FARS2: variants seen among roughly 807,000 people sequenced by gnomAD.
FARS2 encodes phenylalanine--tRNA ligase, mitochondrial.
Under a neutral mutation model 46.4 loss-of-function variants are expected in FARS2, and 40 were observed. The observed-to-expected ratio is 0.86, with a 90% CI of 0.67 to 1.12. FARS2 has a LOEUF of 1.12. Ranked by LOEUF, FARS2 falls within the 50% of genes most tolerant of loss-of-function variation. FARS2 has a pLI of 0.00. For synonymous variants in FARS2, 234 were observed against 214.9 expected, an observed-to-expected ratio of 1.09 and a Z score of -0.78; for missense variants, 513 against 567.9, an observed-to-expected ratio of 0.90 and a Z score of 0.98.
chr6:5,548,325 T>C (rs9378428), intron 5 of FARS2, among the ~76,000 whole-genome samples: 78,161 of 152,084 alleles, frequency 0.51, 21,861 homozygotes, highest in Non-Finnish European at 0.64. Flanking sequence ...GTTATTGTTA[T>C]AGTGAAGCAC....
rs543467794 is a variant in FARS2, at chr6:5,765,318, G to T, written c.1218-5973G>T. Among the ~76,000 whole-genome samples, 28 of 152,358 alleles carry T rather than the reference G, an allele frequency of 1.8e-4. 1 individual carries two copies. In the South Asian group the frequency reaches 5.8e-3, roughly 32 times the overall value. ...AGGATCCAAGTGAAAGTAAGTTTCA[G>T]GAAAAGCTTGAGTCATGTTTCCAGT... On this transcript the variant is annotated intron_variant, in intron 6 of 6. Coordinates refer to ENST00000274680, the MANE Select transcript of FARS2 (RefSeq NM_006567.5). This position sits in a 1 kb window ranked among gnomAD's most constrained non-coding sequence, Gnocchi z 4.0.
At chr6:5,549,570 CT>C (rs1468909600) in intron 5 of FARS2, among the ~76,000 whole-genome samples, 2 of 152,074 alleles carry the variant, frequency 1.3e-5, no homozygotes, top group Non-Finnish European at 2.9e-5. Flanking sequence ...TTGACCTTTG[CT>C]TCTTTCTTAT....
At chr6:5,260,963 G>A (rs911020192), upstream of FARS2, 6 of 1,288,314 alleles carry the variant, frequency 4.7e-6, no homozygotes, top group Non-Finnish European at 4.9e-6. Context: ...GGCAGCTAAG[G>A]GGGCGGTGCT....
chr6:5,724,283 T>C (rs1266220637), intron 6 of FARS2, among the ~76,000 whole-genome samples: 1 of 152,214 alleles, frequency 6.6e-6, no homozygotes, highest in Non-Finnish European at 1.5e-5. Flanking sequence ...GATTCTGGGT[T>C]CCAGGATGAA....
chr6:5,341,206 TATATATATATATATATATATATATATATA>T (rs1489303965), intron 1 of FARS2, among the ~76,000 whole-genome samples: 115 of 8,006 alleles, frequency 0.014, 1 homozygote, highest in African/African-American at 0.018. Context: ...TATATATATA[TATATATATATATATATATATATATATATA>T]TTTTTTTTTT....
intron 2 of FARS2, among the ~76,000 whole-genome samples, chr6:5,403,021 T>TCCTGCCTG (rs148388075): frequency 6.6e-6 from 1 of 152,088 alleles, no homozygotes; most frequent in East Asian, 1.9e-4. Flanking sequence ...TGGCATTCCT[T>TCCTGCCTG]CCTGCCTGCC....
chr6:5,269,813 A>G (rs1765818906), intron 1 of FARS2, among the ~76,000 whole-genome samples: 1 of 152,240 alleles, frequency 6.6e-6, no homozygotes, highest in African/African-American at 2.4e-5. Context: ...TATACTGTAG[A>G]CTGTTATTAA....
intron 6 of FARS2, among the ~76,000 whole-genome samples, chr6:5,724,520 G>T (rs535585960): frequency 3.3e-5 from 5 of 152,302 alleles, no homozygotes; most frequent in African/African-American, 1.2e-4. Context: ...CCCCCAGGAC[G>T]CAAAAAGAAA....
chr6:5,356,594 G>GT (rs1414159634), intron 1 of FARS2, among the ~76,000 whole-genome samples: 1 of 152,210 alleles, frequency 6.6e-6, no homozygotes, highest in Non-Finnish European at 1.5e-5. Context: ...CTTCATTTAG[G>GT]TATGAGTGAT....
chr6:5,736,417 A>T (rs952889221), intron 6 of FARS2, among the ~76,000 whole-genome samples: 1 of 152,158 alleles, frequency 6.6e-6, no homozygotes, highest in Non-Finnish European at 1.5e-5. Flanking sequence ...GCATCTCTGG[A>T]GATTGCCACC....
intron 1 of FARS2, among the ~76,000 whole-genome samples, chr6:5,368,311 CAAAG>C (rs1414528535): frequency 6.6e-6 from 1 of 152,144 alleles, no homozygotes. Context: ...ATCTGAATGA[CAAAG>C]GAAGGACAAC....
At chr6:5,516,973 C>G (rs1768837942) in intron 4 of FARS2, among the ~76,000 whole-genome samples, 1 of 151,944 alleles carries the variant, frequency 6.6e-6, no homozygotes, top group African/African-American at 2.4e-5. Flanking sequence ...GGATGTTGTT[C>G]TGGAGAAACT....
intron 6 of FARS2, among the ~76,000 whole-genome samples, chr6:5,676,641 TA>T (rs1235496579): frequency 1.3e-5 from 2 of 152,220 alleles, no homozygotes; most frequent in African/African-American, 4.8e-5. Flanking sequence ...TCACAGCAGT[TA>T]AAAGAATTAT....
intron 4 of FARS2, among the ~76,000 whole-genome samples, chr6:5,481,017 T>C (rs998810004): frequency 1.3e-5 from 2 of 152,250 alleles, no homozygotes; most frequent in African/African-American, 4.8e-5. Flanking sequence ...GAAAGCACTC[T>C]TTAAAACAGT....
intron 6 of FARS2, among the ~76,000 whole-genome samples, chr6:5,734,428 G>A (rs1446187918): frequency 6.6e-6 from 1 of 152,198 alleles, no homozygotes; most frequent in South Asian, 2.1e-4. Flanking sequence ...ATAAAGCAAG[G>A]AGAGGGTGTC....
At chr6:5,358,113 G>A (rs1206394437) in intron 1 of FARS2, among the ~76,000 whole-genome samples, 1 of 152,022 alleles carries the variant, frequency 6.6e-6, no homozygotes, top group Non-Finnish European at 1.5e-5. Flanking sequence ...TTAACCTGGA[G>A]GCTATTTCTT....
chr6:5,497,683 A>G (rs1418086394), intron 4 of FARS2, among the ~76,000 whole-genome samples: 1 of 152,194 alleles, frequency 6.6e-6, no homozygotes, highest in Non-Finnish European at 1.5e-5. Flanking sequence ...TAGTTCTCTA[A>G]ATATATGTAA....
chr6:5,294,899 ACT>A (rs1470747002), intron 1 of FARS2, among the ~76,000 whole-genome samples: 2 of 151,722 alleles, frequency 1.3e-5, no homozygotes, highest in African/African-American at 2.4e-5. Flanking sequence ...ATAGGGTGGG[ACT>A]CTCTCATGGA....
chr6:5,577,903 G>A (rs952420281), intron 5 of FARS2, among the ~76,000 whole-genome samples: 7 of 152,028 alleles, frequency 4.6e-5, no homozygotes, highest in Admixed American at 2.0e-4. Context: ...CCGGGTTCAC[G>A]CCATTCTCCT....
Sources: allele counts gnomAD v4.1 joint callset (sites outside exome capture counted in the v4.1 genomes callset), GRCh38; gene constraint gnomAD v4.1.1; non-coding constraint Gnocchi (gnomAD v3.1); transcripts MANE v1.5; gene names NCBI Gene and HGNC (gene_info 2026-07-23, HGNC 2026-07-21).